The following PSMA8 variants were observed in gnomAD, a reference collection of about 807,000 sequenced individuals.
The protein encoded by PSMA8 is proteasome subunit alpha-type 8.
Under a neutral mutation model 32.4 loss-of-function variants are expected in PSMA8, and 18 were observed. The observed-to-expected ratio is 0.56, with a 90% CI of 0.38 to 0.82. The LOEUF (loss-of-function observed/expected upper bound fraction) is 0.82, where lower values mean the gene tolerates loss of function less well. PSMA8 is among the 40% of genes least tolerant of loss of function. The pLI, the probability that PSMA8 is intolerant of heterozygous loss-of-function variation, is 0.00. For synonymous variants in PSMA8, 104 were observed against 98.1 expected (o/e 1.06, Z -0.36); for missense variants, 298 against 300.7 (o/e 0.99, Z 0.07).
intron 2 of PSMA8, among the ~76,000 whole-genome samples, chr18:26,146,581 T>C (rs2055005185): frequency 6.6e-6 from 1 of 151,336 alleles, no homozygotes; most frequent in South Asian, 2.1e-4. Flanking sequence ...CTGAGCAACA[T>C]GGTGAAACTT....
Position 26,134,003 on chromosome 18 carries a change from C to A in PSMA8, c.38C>A (p.Ser13Tyr). ...TATGACAGGGCGATCACTGTCTTCT[C>A]CCCAGACGGACACCTTTTTCAAGTT... ...SRYDRAITVFSPDGHLFQVEY... is the reference protein window; with the variant it reads ...SRYDRAITVFYPDGHLFQVEY... The change falls in exon 1 of 7, where the codon TCC becomes TAC. Residue 13 changes from serine (S) to tyrosine (Y), a missense_variant. Coordinates refer to ENST00000415576, the MANE Select transcript of PSMA8 (RefSeq NM_001025096.2). 1.2e-6 allele frequency: 2 copies of A among 1,614,042 alleles called. No homozygotes were observed. The highest frequency in any genetic ancestry group is 2.2e-5 in the East Asian group (1 of 44,864).
In PSMA8 at chr18:26,171,126, C is replaced by T; in HGVS notation, c.478-7704C>T. ...AGGAATGGAGAACCAGGTCTTCTTA[C>T]CCATAATCACCAGATTCTGTTTACC... On this transcript the variant is annotated intron_variant, in intron 4 of 6. Transcript: ENST00000415576. 3.8e-6 allele frequency: 6 copies of T among 1,559,270 alleles called. 1 individual carries two copies. Among genetic ancestry groups the T allele is most frequent in the Non-Finnish European group, 5.1e-6 (6 of 1,170,050 alleles).
rs149155516 is a variant in PSMA8, at chr18:26,175,108, T to A, written c.478-3722T>A. Among the ~76,000 whole-genome samples the A allele has an allele frequency of 4.6e-5, 7 of 152,304 alleles. No individual in the cohort carries two copies. The East Asian group carries it at 1.3e-3, about 29-fold the overall frequency. The stretch of plus-strand genomic sequence containing the variant: ...GTTTATACTTCAAAATAATGGAAAT[T>A]GTGATTTATTTATTGTGAGTAGAGT... On this transcript the variant is annotated intron_variant, in intron 4 of 6. Transcript: ENST00000415576.
At chr18:26,148,940 G>A (rs1056249672) in intron 2 of PSMA8, among the ~76,000 whole-genome samples, 3 of 152,126 alleles carry the variant, frequency 2.0e-5, no homozygotes, top group Admixed American at 1.3e-4. Context: ...TTGAACTCCA[G>A]GGCTCAAGCA....
intron 4 of PSMA8, among the ~76,000 whole-genome samples, chr18:26,178,407 TG>T (rs1344977636): frequency 6.6e-6 from 1 of 151,830 alleles, no homozygotes; most frequent in Non-Finnish European, 1.5e-5. Context: ...GCCAGGAGTT[TG>T]AGAACAGCCT....
intron 4 of PSMA8, among the ~76,000 whole-genome samples, chr18:26,159,162 C>T (rs958890023): frequency 6.6e-6 from 1 of 152,080 alleles, no homozygotes; most frequent in African/African-American, 2.4e-5. Context: ...TAGTTTTCTA[C>T]AAAGTTGATT....
chr18:26,135,607 G>A (rs2054905174), intron 1 of PSMA8, among the ~76,000 whole-genome samples: 1 of 152,116 alleles, frequency 6.6e-6, no homozygotes, highest in African/African-American at 2.4e-5. Context: ...GTACCATTTT[G>A]ATAAAAACAA....
rs946180485 is a variant in PSMA8 at position 26,133,896 on chromosome 18, G to C, written c.-70G>C. The C allele has an allele frequency of 3.7e-6, 5 of 1,352,408 alleles. No individual in the cohort carries two copies. The highest frequency in any genetic ancestry group is 5.3e-6 in the Non-Finnish European group (5 of 948,032). 83.8% of individuals were successfully genotyped at this position (1,352,408 alleles called of 1,614,324 possible). ...TTCCGGGCGGTAGCACGCTGTGTTG[G>C]CGGCGGCTCCCCGCTTGCCTCAGCT... On this transcript the variant is annotated 5_prime_UTR_variant, in exon 1 of 7. Transcript: ENST00000415576.
At chr18:26,166,631 G>C (rs1210871292) in intron 4 of PSMA8, among the ~76,000 whole-genome samples, 1 of 152,170 alleles carries the variant, frequency 6.6e-6, no homozygotes, top group Non-Finnish European at 1.5e-5. Flanking sequence ...AAGCAGTTTT[G>C]TGATTGTTTG....
At chr18:26,170,862 T>C (rs1169458841) in intron 4 of PSMA8, 2 of 1,559,468 alleles carry the variant, frequency 1.3e-6, no homozygotes, top group Non-Finnish European at 1.7e-6. Context: ...ACTTTCAAAG[T>C]CTTGCATGAT....
chr18:26,185,410 G>C (rs774763640), intron 6 of PSMA8, among the ~76,000 whole-genome samples: 2 of 150,488 alleles, frequency 1.3e-5, no homozygotes, highest in Non-Finnish European at 3.0e-5. Flanking sequence ...TTGAATATTG[G>C]CTTCATCCTA....
chr18:26,142,899 A>G (rs1002459180), intron 1 of PSMA8, among the ~76,000 whole-genome samples: 4 of 152,142 alleles, frequency 2.6e-5, no homozygotes, highest in Admixed American at 6.5e-5. Context: ...GGATTTCAAC[A>G]TACGAATTTG....
chr18:26,155,181 G>C (rs7504411), intron 3 of PSMA8, among the ~76,000 whole-genome samples: 13,532 of 151,948 alleles, frequency 0.089, 893 homozygotes, highest in African/African-American at 0.16. Context: ...GTTGCAGTAA[G>C]CCAAGATCAT....
At chr18:26,175,924 T>C (rs919472936) in intron 4 of PSMA8, among the ~76,000 whole-genome samples, 1 of 152,204 alleles carries the variant, frequency 6.6e-6, no homozygotes, top group African/African-American at 2.4e-5. Flanking sequence ...TCCACCTGTG[T>C]ATACCTATTT....
chr18:26,172,819 G>A (rs190925850), intron 4 of PSMA8, among the ~76,000 whole-genome samples: 1 of 152,290 alleles, frequency 6.6e-6, no homozygotes, highest in African/African-American at 2.4e-5. Context: ...CACAGAGGAA[G>A]CAGGTGGATA....
intron 3 of PSMA8, among the ~76,000 whole-genome samples, chr18:26,157,535 A>T (rs746622027): frequency 6.6e-6 from 1 of 152,130 alleles, no homozygotes; most frequent in Non-Finnish European, 1.5e-5. Context: ...AAATACATAC[A>T]ATTGGTTTCC....
At chr18:26,165,228 A>G (rs2055168402) in intron 4 of PSMA8, among the ~76,000 whole-genome samples, 1 of 152,190 alleles carries the variant, frequency 6.6e-6, no homozygotes, top group African/African-American at 2.4e-5. Flanking sequence ...TTTGTTTTAA[A>G]GAGGTAGATG....
At chr18:26,152,031 A>G in intron 3 of PSMA8, 49 bp downstream of exon 3, 1 of 1,480,342 alleles carries the variant, frequency 6.8e-7, no homozygotes, top group Non-Finnish European at 9.1e-7. Context: ...CTTTTTCATC[A>G]TTATAAGTCC....
intron 2 of PSMA8, among the ~76,000 whole-genome samples, chr18:26,148,576 G>C (rs1162891108): frequency 6.6e-6 from 1 of 152,138 alleles, no homozygotes; most frequent in Non-Finnish European, 1.5e-5. Flanking sequence ...AGTGGTGAAA[G>C]ATTGAAAGCT....
Sources: gnomAD v4.1 joint callset for allele counts (sites outside exome capture counted in the v4.1 genomes callset) on GRCh38, gnomAD v4.1.1 for gene constraint, MANE v1.5 for transcripts, NCBI Gene and HGNC (gene_info 2026-07-23, HGNC 2026-07-21) for gene names.